The following GNA12 variants were observed in gnomAD, a reference collection of about 807,000 sequenced individuals.
GNA12 encodes the protein guanine nucleotide-binding protein subunit alpha-12.
In GNA12, 9 loss-of-function variants were observed where a neutral mutation model predicts 26.0. The observed-to-expected ratio is 0.35, with a 90% confidence interval of 0.21 to 0.60. The LOEUF (loss-of-function observed/expected upper bound fraction) is 0.60. GNA12 is among the 20% of genes least tolerant of loss of function. The pLI, the probability that GNA12 is intolerant of heterozygous loss-of-function variation, is 0.78. For missense variants in GNA12, 405 were observed against 525.8 expected (o/e 0.77, Z 2.25); for synonymous variants, 264 against 219.6 (o/e 1.20, Z -1.79).
chr7:2,781,723 A>T (rs1792235409), intron 2 of GNA12, among the ~76,000 whole-genome samples: 1 of 152,168 alleles, frequency 6.6e-6, no homozygotes, highest in South Asian at 2.1e-4. Context: ...GGCGTACAAA[A>T]ATAAGCTACA....
At chr7:2,826,716 C>CTAT (rs1793492850) in intron 1 of GNA12, among the ~76,000 whole-genome samples, 1 of 152,178 alleles carries the variant, frequency 6.6e-6, no homozygotes, top group African/African-American at 2.4e-5. Context: ...ATTCCAACTA[C>CTAT]AGGACATTCT....
rs1225841133 is a variant in GNA12, at chr7:2,730,915, G to A, written c.*266C>T. 1 of 443,656 alleles carries A rather than the reference G, an allele frequency of 2.3e-6. No individual in the cohort carries two copies. The highest frequency in any genetic ancestry group is 4.1e-6 in the Non-Finnish European group (1 of 243,978). The allele number at this position is 443,656 out of a possible 1,614,324, so 27.5% of individuals were successfully genotyped here. A position where few individuals can be genotyped will look rare whatever the true frequency, so the allele number is the denominator to read the frequency against. On this transcript the variant is annotated 3_prime_UTR_variant, in exon 4 of 4. Transcript: ENST00000275364. ...TCTGTAAAAGCAAAGCAAGCTGTGT[G>A]ATTAGGTGTTCCGTATTCACAACAT...
At chr7:2,811,762 C>T (rs1268091535) in intron 1 of GNA12, among the ~76,000 whole-genome samples, 4 of 152,192 alleles carry the variant, frequency 2.6e-5, no homozygotes, top group Non-Finnish European at 5.9e-5. Context: ...GCCATGTCTT[C>T]CCTGCGGCAC....
chr7:2,823,732 CAG>C (rs1248103821), intron 1 of GNA12, among the ~76,000 whole-genome samples: 1 of 152,074 alleles, frequency 6.6e-6, no homozygotes, highest in African/African-American at 2.4e-5. Context: ...AAGCATGTTG[CAG>C]ACATAATAAA....
At chr7:2,806,398 T>A (rs534880504) in intron 1 of GNA12, among the ~76,000 whole-genome samples, 14 of 136,514 alleles carry the variant, frequency 1.0e-4, no homozygotes, top group African/African-American at 3.4e-4. Context: ...GAGGTTGCAG[T>A]GAGCTGAGAT....
chr7:2,820,850 T>G (rs1311264130), intron 1 of GNA12, among the ~76,000 whole-genome samples: 5 of 152,260 alleles, frequency 3.3e-5, no homozygotes, highest in African/African-American at 1.2e-4. Context: ...GCCATCCTCT[T>G]GCCTCAGACT....
rs537539845 is a variant in GNA12 at position 2,837,081 on chromosome 7, G to A, written c.309+6772C>T. On this transcript the variant is annotated intron_variant, in intron 1 of 3. Transcript: ENST00000275364. ...TGGCATGTCAAATAGTGCTGGCAGG[G>A]CCAAGCAGGGATCTCACCTCCCATT... is the stretch of plus-strand genomic sequence containing the variant. Among the ~76,000 whole-genome samples the A allele has an allele frequency of 2.0e-5, 3 of 152,328 alleles. No homozygotes were observed. In the South Asian group the frequency reaches 6.2e-4, roughly 32 times the overall value.
chr7:2,829,016 C>T (rs1034299303), intron 1 of GNA12, among the ~76,000 whole-genome samples: 14 of 151,130 alleles, frequency 9.3e-5, no homozygotes, highest in African/African-American at 3.2e-4. Context: ...GAGGCTGCAG[C>T]GAGCCAAGAT....
intron 2 of GNA12, among the ~76,000 whole-genome samples, chr7:2,766,890 C>T (rs938466952): frequency 3.3e-5 from 5 of 152,176 alleles, no homozygotes; most frequent in Non-Finnish European, 7.3e-5. Context: ...CATTCCTCAC[C>T]AACACTTGTT....
chr7:2,734,296 C>G (rs74994097), intron 2 of GNA12, among the ~76,000 whole-genome samples: 1,839 of 152,284 alleles, frequency 0.012, 48 homozygotes, highest in African/African-American at 0.042. Flanking sequence ...CAATGAGTCC[C>G]TTCAAAGGTA....
At chr7:2,801,485 C>A (rs1043183113) in intron 1 of GNA12, among the ~76,000 whole-genome samples, 2 of 152,166 alleles carry the variant, frequency 1.3e-5, no homozygotes, top group African/African-American at 4.8e-5. Context: ...GCAAAACTGG[C>A]CCATGCAACA....
intron 2 of GNA12, among the ~76,000 whole-genome samples, chr7:2,756,425 C>T (rs1470289266): frequency 6.6e-6 from 1 of 152,026 alleles, no homozygotes; most frequent in Non-Finnish European, 1.5e-5. Flanking sequence ...CCAGCCTGGG[C>T]AATAGAGTGA....
chr7:2,837,754 T>C (rs1404002912), intron 1 of GNA12, among the ~76,000 whole-genome samples: 2 of 151,316 alleles, frequency 1.3e-5, no homozygotes, highest in Non-Finnish European at 2.9e-5. Context: ...CGTTAAAGAA[T>C]GGCTAAAGGA....
intron 2 of GNA12, among the ~76,000 whole-genome samples, chr7:2,738,369 G>T (rs1234563509): frequency 6.6e-6 from 1 of 152,178 alleles, no homozygotes; most frequent in African/African-American, 2.4e-5. Context: ...GAAACGTCTA[G>T]TAGGAGAAGC....
chr7:2,842,220 C>A (rs1331309466), intron 1 of GNA12, among the ~76,000 whole-genome samples: 1 of 151,690 alleles, frequency 6.6e-6, no homozygotes, highest in Non-Finnish European at 1.5e-5. Context: ...TGCACTGTTC[C>A]CTCATCATCA....
intron 2 of GNA12, among the ~76,000 whole-genome samples, chr7:2,751,631 G>T (rs1235826846): frequency 1.3e-5 from 2 of 151,946 alleles, no homozygotes; most frequent in Non-Finnish European, 2.9e-5. Flanking sequence ...ACCTCCTAAG[G>T]GAATTAAGAA....
At chr7:2,810,578 G>C (rs1018400713) in intron 1 of GNA12, among the ~76,000 whole-genome samples, 2 of 152,138 alleles carry the variant, frequency 1.3e-5, no homozygotes, top group Admixed American at 1.3e-4. Flanking sequence ...GATTCCAAAT[G>C]ATGGACCTCA....
intron 1 of GNA12, among the ~76,000 whole-genome samples, chr7:2,798,338 G>T (rs374761110): frequency 6.6e-6 from 1 of 152,208 alleles, no homozygotes; most frequent in Non-Finnish European, 1.5e-5. Context: ...CAGAATAGTT[G>T]CAGGATATAA....
intron 2 of GNA12, among the ~76,000 whole-genome samples, chr7:2,739,067 C>T (rs1156913899): frequency 2.0e-5 from 3 of 152,198 alleles, no homozygotes; most frequent in African/African-American, 7.2e-5. Flanking sequence ...TCAGGCTCCG[C>T]AGGGTGTGTC....
Sources: allele counts gnomAD v4.1 joint callset (sites outside exome capture counted in the v4.1 genomes callset), GRCh38; gene constraint gnomAD v4.1.1; transcripts MANE v1.5; gene names NCBI Gene and HGNC (gene_info 2026-07-23, HGNC 2026-07-21).